SLC12A2: variants seen among roughly 807,000 people sequenced by gnomAD.
SLC12A2 encodes the protein solute carrier family 12 member 2.
In SLC12A2, 67 loss-of-function variants were observed where a neutral mutation model predicts 136.3. The ratio of observed to expected loss-of-function variants is 0.49; its 90% CI spans 0.40 to 0.60. The LOEUF (loss-of-function observed/expected upper bound fraction) is 0.60. Ranked by LOEUF, SLC12A2 falls within the 20% of genes least tolerant of loss-of-function variation. The probability of loss-of-function intolerance (pLI) is 0.00; values close to 1 mark genes in which losing one functional copy is unlikely to be tolerated. For synonymous variants in SLC12A2, 619 were observed against 562.9 expected, an observed-to-expected ratio of 1.10 and a Z score of -1.41; for missense variants, 1,322 against 1,534.7, an observed-to-expected ratio of 0.86 and a Z score of 2.32.
chr5:128,118,048 TA>T (rs1214322561), intron 4 of SLC12A2, among the ~76,000 whole-genome samples: 2 of 151,924 alleles, frequency 1.3e-5, no homozygotes, highest in Non-Finnish European at 2.9e-5. Context: ...TGGCCTTAAT[TA>T]AAAAAAATAA....
At chr5:128,154,571 A>AC (rs1762815130) in intron 15 of SLC12A2, among the ~76,000 whole-genome samples, 1 of 152,168 alleles carries the variant, frequency 6.6e-6, no homozygotes, top group East Asian at 1.9e-4. Context: ...ACTACAGGTA[A>AC]CCATGTTATT....
intron 7 of SLC12A2, among the ~76,000 whole-genome samples, chr5:128,137,355 T>C (rs1162030444): frequency 6.6e-6 from 1 of 152,144 alleles, no homozygotes; most frequent in East Asian, 1.9e-4. Flanking sequence ...GTATACTCTT[T>C]TTCCCTGATG....
At chr5:128,116,952 G>A (rs1040298227) in intron 4 of SLC12A2, among the ~76,000 whole-genome samples, 1 of 152,044 alleles carries the variant, frequency 6.6e-6, no homozygotes, top group Admixed American at 6.5e-5. Flanking sequence ...CTAGATACAG[G>A]CATAAAACTG....
chr5:128,126,971 T>TATATATATATATAA lies in SLC12A2; in HGVS notation c.1049-4096_1049-4095insATATATATATATAA, dbSNP rs1347112296. ...ATATATATATATATATATATATTTT[T>TATATATATATATAA]TTTTTTTTTTTTTTTTGCATCTAAA... On this transcript the variant is annotated intron_variant, in intron 4 of 26. Transcript: ENST00000262461. Among the ~76,000 whole-genome samples the TATATATATATATAA allele has an allele frequency of 1.3e-3, 162 of 122,962 alleles. 13 individuals are homozygous for TATATATATATATAA. The highest frequency in any genetic ancestry group is 6.1e-3 in the African/African-American group (158 of 26,020). The allele number at this position is 122,962 out of a possible 152,430, so 80.7% of individuals were successfully genotyped here.
At chr5:128,086,336 A>G (rs1179281566) in intron 1 of SLC12A2, among the ~76,000 whole-genome samples, 1 of 152,170 alleles carries the variant, frequency 6.6e-6, no homozygotes, top group Admixed American at 6.5e-5. Context: ...TTTTTGGTTC[A>G]AAGTATCTAA....
At chr5:128,114,418 G>C in intron 3 of SLC12A2, 131 bp downstream of exon 3, 1 of 829,494 alleles carries the variant, frequency 1.2e-6, no homozygotes, top group Non-Finnish European at 1.9e-6. Flanking sequence ...TTGTTATCTT[G>C]ATGTTCCTTT....
intron 2 of SLC12A2, among the ~76,000 whole-genome samples, chr5:128,113,799 C>T (rs908211741): frequency 1.3e-4 from 20 of 152,088 alleles, no homozygotes; most frequent in African/African-American, 4.8e-4. Flanking sequence ...TTATGTAATA[C>T]TTAAATCTGC....
chr5:128,133,647 T>C (rs1335802088), intron 5 of SLC12A2, among the ~76,000 whole-genome samples: 1 of 152,076 alleles, frequency 6.6e-6, no homozygotes, highest in Admixed American at 6.5e-5. Flanking sequence ...TCATAATCTT[T>C]AATTTTATCC....
intron 4 of SLC12A2, among the ~76,000 whole-genome samples, chr5:128,129,729 AAGTATT>A (rs1301835955): frequency 6.6e-6 from 1 of 152,150 alleles, no homozygotes; most frequent in Non-Finnish European, 1.5e-5. Flanking sequence ...ATATGGTCTC[AAGTATT>A]TAATCAGTTA....
At chr5:128,106,332 C>G (rs1280202303) in intron 1 of SLC12A2, among the ~76,000 whole-genome samples, 1 of 152,042 alleles carries the variant, frequency 6.6e-6, no homozygotes, top group Non-Finnish European at 1.5e-5. Context: ...TTCATAATTG[C>G]ACACTTGAAC....
chr5:128,185,487 A>T (rs942334593), intron 26 of SLC12A2, among the ~76,000 whole-genome samples: 2 of 152,156 alleles, frequency 1.3e-5, no homozygotes, highest in Non-Finnish European at 2.9e-5. Flanking sequence ...AAGTAATGAA[A>T]AAAACTACCA....
intron 15 of SLC12A2, among the ~76,000 whole-genome samples, chr5:128,157,514 GTAA>G (rs1762902144): frequency 1.3e-5 from 2 of 151,880 alleles, no homozygotes; most frequent in African/African-American, 2.4e-5. Context: ...TCATGAAGTG[GTAA>G]TAATTATGAA....
chr5:128,157,552 A>G (rs1363732605), intron 15 of SLC12A2, among the ~76,000 whole-genome samples: 1 of 152,150 alleles, frequency 6.6e-6, no homozygotes, highest in Non-Finnish European at 1.5e-5. Flanking sequence ...AAGGAAAGTG[A>G]CCTGTTTTGT....
intron 15 of SLC12A2, among the ~76,000 whole-genome samples, chr5:128,154,826 A>C (rs968320754): frequency 2.0e-5 from 3 of 152,198 alleles, no homozygotes; most frequent in Non-Finnish European, 4.4e-5. Flanking sequence ...TGCAGCAGCA[A>C]AACTAGCATG....
At chr5:128,114,498 T>C in intron 3 of SLC12A2, 88 bp from the exon 4 acceptor site, 1 of 918,284 alleles carries the variant, frequency 1.1e-6, no homozygotes, top group Non-Finnish European at 1.7e-6. Flanking sequence ...AAAATGTAGA[T>C]TCAGTATTCT....
At chr5:128,115,472 A>G (rs1761311437) in intron 4 of SLC12A2, among the ~76,000 whole-genome samples, 4 of 152,138 alleles carry the variant, frequency 2.6e-5, no homozygotes, top group African/African-American at 7.2e-5. Flanking sequence ...TGTGGGCACT[A>G]TGAGGCCTCT....
At chr5:128,150,366 T>G (rs965281240) in intron 13 of SLC12A2, among the ~76,000 whole-genome samples, 5 of 151,830 alleles carry the variant, frequency 3.3e-5, no homozygotes, top group African/African-American at 1.2e-4. Flanking sequence ...AAAACTAGTT[T>G]TTCAGTCTTT....
At chr5:128,155,560 T>G (rs547289376) in intron 15 of SLC12A2, among the ~76,000 whole-genome samples, 9 of 152,346 alleles carry the variant, frequency 5.9e-5, no homozygotes, top group African/African-American at 2.2e-4. Flanking sequence ...TAATTTTTCT[T>G]CTTCCTTAAC....
At chr5:128,180,452 C>G (rs1288981212) in intron 22 of SLC12A2, among the ~76,000 whole-genome samples, 1 of 152,170 alleles carries the variant, frequency 6.6e-6, no homozygotes, top group Non-Finnish European at 1.5e-5. Flanking sequence ...TGGAGTGTCA[C>G]TGCTCCCAGG....
Sources: gnomAD v4.1 joint callset for allele counts (sites outside exome capture counted in the v4.1 genomes callset) on GRCh38, gnomAD v4.1.1 for gene constraint, MANE v1.5 for transcripts, NCBI Gene and HGNC (gene_info 2026-07-23, HGNC 2026-07-21) for gene names.